The following PLEKHG3 variants were observed in gnomAD, a reference collection of about 807,000 sequenced individuals.
PLEKHG3 encodes the protein pleckstrin homology and RhoGEF domain containing G3.
PLEKHG3 carries 62 observed loss-of-function variants against 94.9 expected under a neutral mutation model. The ratio of observed to expected loss-of-function variants is 0.65; its 90% CI spans 0.53 to 0.81. PLEKHG3 has a LOEUF of 0.81. Ranked by LOEUF, PLEKHG3 falls within the 30% of genes least tolerant of loss-of-function variation. PLEKHG3 has a pLI of 0.00. For missense variants in PLEKHG3, 1,461 were observed against 1,619.3 expected (o/e 0.90, Z 1.68); for synonymous variants, 614 against 654.0 (o/e 0.94, Z 0.93).
intron 15 of PLEKHG3, 55 bp from the exon 16 acceptor site, chr14:64,740,981 C>A (rs536904698): frequency 5.6e-6 from 8 of 1,424,408 alleles, no homozygotes; most frequent in South Asian, 2.7e-5. Context: ...CCTTGTTCCC[C>A]GGATCCCATG....
chr14:64,720,420 T>C lies in PLEKHG3; in HGVS notation c.-39-7173T>C. Among the ~76,000 whole-genome samples the C allele has an allele frequency of 1.3e-5, 2 of 152,234 alleles. No individual in the cohort carries two copies. The highest frequency in any genetic ancestry group is 3.8e-4 in the East Asian group (2 of 5,200). ...GGAGGAACTGGCTTTGGTCTTGACCTCACCCACTGTTTACCTTTCTCTTGA... is the reference window on the plus strand; with the variant it reads ...GGAGGAACTGGCTTTGGTCTTGACCCCACCCACTGTTTACCTTTCTCTTGA... On this transcript the variant is annotated intron_variant, in intron 1 of 16. Transcript: ENST00000247226. This position sits in a 1 kb window ranked among gnomAD's most constrained non-coding sequence, Gnocchi z 4.1.
rs911715664 is a variant in PLEKHG3 at position 64,715,259 on chromosome 14, G to A, written c.-40+10555G>A. On this transcript the variant is annotated intron_variant, in intron 1 of 16. Transcript: ENST00000247226. This position sits in a 1 kb window ranked among gnomAD's most constrained non-coding sequence, Gnocchi z 4.4. ...GCATGAGAGCATTCCTATGAGGTAG[G>A]GTGAGAGATGGCCTTCTTGGCTTCG... 5.3e-5 allele frequency among the ~76,000 whole-genome samples: 8 copies of A among 152,136 alleles called. No individual in the cohort carries two copies. The highest frequency in any genetic ancestry group is 1.9e-4 in the African/African-American group (8 of 41,422).
Position 64,721,657 on chromosome 14 carries a change from C to T in PLEKHG3, c.-39-5936C>T, listed in dbSNP as rs1170824416. Among the ~76,000 whole-genome samples, 8 of 152,316 alleles carry T rather than the reference C, an allele frequency of 5.3e-5. No homozygotes were observed. The East Asian group carries it at 7.7e-4, about 15-fold the overall frequency. ...CTCACATGCACACAAAGTCACTCCC[C>T]GGGGAGCCTTCTCTCGCGCTTTATT... On this transcript the variant is annotated intron_variant, in intron 1 of 16. Coordinates refer to ENST00000247226, the MANE Select transcript of PLEKHG3 (RefSeq NM_001308147.2). The surrounding 1 kb of genome is among the most constrained non-coding windows in gnomAD (Gnocchi z 4.3).
chr14:64,734,650 AT>A (rs1479815416), intron 12 of PLEKHG3, among the ~76,000 whole-genome samples: 2 of 152,170 alleles, frequency 1.3e-5, no homozygotes, highest in Non-Finnish European at 2.9e-5. Flanking sequence ...TAAGAGTTGG[AT>A]TTTTTCAAAA....
chr14:64,727,108 G>A lies in PLEKHG3; in HGVS notation c.-39-485G>A, dbSNP rs2081366181. On this transcript the variant is annotated intron_variant, in intron 1 of 16. Coordinates refer to ENST00000247226, the MANE Select transcript of PLEKHG3 (RefSeq NM_001308147.2). This position sits in a 1 kb window ranked among gnomAD's most constrained non-coding sequence, Gnocchi z 6.0. ...ACGAACAGCAGGTGGCTTCATCTGG[G>A]AGGACACAGCCATGGGGTAGGCTGT... Among the ~76,000 whole-genome samples the A allele has an allele frequency of 6.6e-6, 1 of 152,080 alleles. No homozygotes were observed. Among genetic ancestry groups the A allele is most frequent in the South Asian group, 2.1e-4 (1 of 4,824 alleles).
Position 64,741,183 on chromosome 14 carries a change from C to T in PLEKHG3, c.1666C>T (p.Pro556Ser), listed in dbSNP as rs1226267175. 3 of 1,614,076 alleles carry T rather than the reference C, an allele frequency of 1.9e-6. No homozygotes were observed. In the East Asian group the frequency reaches 6.7e-5, roughly 36 times the overall value. The change falls in exon 16 of 17, where the codon CCC (proline) becomes TCC (serine). Residue 556 changes from proline to serine, a missense_variant. Physicochemically the swap from Pro to Ser is moderately conservative, Grantham distance 74. Around this residue, in one of 3 missense-constraint regions of PLEKHG3, gnomAD observed 1,201 missense variants for 1,295.5 expected, o/e 0.93. Coordinates refer to ENST00000247226, the MANE Select transcript of PLEKHG3 (RefSeq NM_001308147.2). ...DAHQGLLGMD[P>S]PGDMVDFVAA... ...CCACCAGGGCCTTCTGGGGATGGAC[C>T]CCCCAGGTGACATGGTGGACTTCGT...
chr14:64,741,869 G>A lies in PLEKHG3; in HGVS notation c.2352G>A (p.Trp784Ter), dbSNP rs1467016475. The A allele has an allele frequency of 6.2e-7, 1 of 1,612,994 alleles. No individual in the cohort carries two copies. The highest frequency in any genetic ancestry group is 1.7e-5 in the Admixed American group (1 of 59,962). ...KRQVGSRPTS[W>*]ALFELPGPSQ... The stretch of plus-strand genomic sequence containing the variant: ...AGGTGGGCTCCCGGCCGACTTCGTG[G>A]GCCCTGTTTGAGCTCCCAGGACCAA... The change falls in exon 16 of 17, where the codon TGG becomes TGA. Residue 784 changes from tryptophan (W) to a stop codon, truncating the protein, a stop_gained. Transcript: ENST00000247226. LOFTEE classifies it high-confidence loss of function.
chr14:64,734,884 C>G (rs1332805933), intron 12 of PLEKHG3, among the ~76,000 whole-genome samples: 2 of 151,948 alleles, frequency 1.3e-5, no homozygotes, highest in Non-Finnish European at 2.9e-5. Flanking sequence ...CCACGCCCAG[C>G]TAGTTTTTTT....
chr14:64,738,096 G>T lies in PLEKHG3; in HGVS notation c.1405-646G>T. On this transcript the variant is annotated intron_variant, in intron 14 of 16. Transcript: ENST00000247226. The surrounding 1 kb of genome is among the most constrained non-coding windows in gnomAD (Gnocchi z 4.8). ...GCCGGAGCCCCCAGGCTCAGAGGAGGAGGAGGAGGAGCAGGAGGAGAGCCT... is the reference window on the plus strand; with the variant it reads ...GCCGGAGCCCCCAGGCTCAGAGGAGTAGGAGGAGGAGCAGGAGGAGAGCCT... 7.7e-7 allele frequency: 1 copy of T among 1,304,788 alleles called. No homozygotes were observed. The highest frequency in any genetic ancestry group is 1.5e-5 in the African/African-American group (1 of 66,948). The allele number at this position is 1,304,788 out of a possible 1,614,324, so 80.8% of individuals were successfully genotyped here.
rs1034617491 is a variant in PLEKHG3 at position 64,720,908 on chromosome 14, C to A, written c.-39-6685C>A. Among the ~76,000 whole-genome samples, 1 of 152,194 alleles carries A rather than the reference C, an allele frequency of 6.6e-6. No individual in the cohort carries two copies. Among genetic ancestry groups the A allele is most frequent in the Admixed American group, 6.5e-5 (1 of 15,288 alleles). On this transcript the variant is annotated intron_variant, in intron 1 of 16. Coordinates refer to ENST00000247226, the MANE Select transcript of PLEKHG3 (RefSeq NM_001308147.2). This position sits in a 1 kb window ranked among gnomAD's most constrained non-coding sequence, Gnocchi z 4.1. Reference sequence around the variant, plus strand: ...GCCAGCAGTGTAGCATCTTCCAGTTCCCTTCTCTCTGTCCCTCTGCTTTTA... The same window carrying A: ...GCCAGCAGTGTAGCATCTTCCAGTTACCTTCTCTCTGTCCCTCTGCTTTTA...
At position 64,718,013 on chromosome 14, in the gene PLEKHG3, C is replaced by T. The variant is rs1470460501; in HGVS notation, c.-39-9580C>T. Among the ~76,000 whole-genome samples the T allele has an allele frequency of 2.0e-5, 3 of 152,158 alleles. No individual in the cohort carries two copies. Among genetic ancestry groups the T allele is most frequent in the South Asian group, 4.2e-4 (2 of 4,816 alleles). On this transcript the variant is annotated intron_variant, in intron 1 of 16. Coordinates refer to ENST00000247226, the MANE Select transcript of PLEKHG3 (RefSeq NM_001308147.2). This position sits in a 1 kb window ranked among gnomAD's most constrained non-coding sequence, Gnocchi z 5.0. ...GCCTCTTGTTGCCAGTTGCCCGGGGCGTGGGGGTGGTCTGGGTCCTCTCGG... is the reference window on the plus strand; with the variant it reads ...GCCTCTTGTTGCCAGTTGCCCGGGGTGTGGGGGTGGTCTGGGTCCTCTCGG...
Position 64,716,051 on chromosome 14 carries a change from C to T in PLEKHG3, c.-40+11347C>T, listed in dbSNP as rs1171689699. The T allele has an allele frequency of 1.8e-5, 8 of 456,278 alleles. No individual in the cohort carries two copies. Among genetic ancestry groups the T allele is most frequent in the Non-Finnish European group, 3.5e-5 (8 of 226,786 alleles). The allele number at this position is 456,278 out of a possible 1,614,324, so 28.3% of individuals were successfully genotyped here. A position where few individuals can be genotyped will look rare whatever the true frequency, so the allele number is the denominator to read the frequency against. The stretch of plus-strand genomic sequence containing the variant: ...ACAATGCGGCTGCCCGGCCCCTCGC[C>T]ACCCTCGTGGTGCCCGGATGGGAGC... On this transcript the variant is annotated intron_variant, in intron 1 of 16. Transcript: ENST00000247226. This position sits in a 1 kb window ranked among gnomAD's most constrained non-coding sequence, Gnocchi z 5.0.
rs1217488732 is a variant in PLEKHG3 at position 64,749,888 on chromosome 14, C to T, written c.*6185C>T. ...AAAAACCCCTGAGGAGCAGCTCAGG[C>T]CTGGCACTGGTCCCCTACAGAGGGC... On this transcript the variant is annotated 3_prime_UTR_variant, in exon 17 of 17. Transcript: ENST00000247226. The surrounding 1 kb of genome is among the most constrained non-coding windows in gnomAD (Gnocchi z 4.7). 3.2e-6 allele frequency: 5 copies of T among 1,559,806 alleles called. No homozygotes were observed. In the African/African-American group the frequency reaches 6.8e-5, roughly 21 times the overall value.
rs969133326 is a variant in PLEKHG3 at position 64,715,796 on chromosome 14, G to A, written c.-40+11092G>A. 1.4e-4 allele frequency: 47 copies of A among 338,974 alleles called. 1 individual carries two copies. Among genetic ancestry groups the A allele is most frequent in the Middle Eastern group, 2.2e-3 (2 of 926 alleles). The allele number at this position is 338,974 out of a possible 1,614,324, so 21.0% of individuals were successfully genotyped here. A position where few individuals can be genotyped will look rare whatever the true frequency, so the allele number is the denominator to read the frequency against. ...GCTGTGGCCTGGGTCCCTACCCAGC[G>A]GGGACCTGCAGAATTGTGTCGGGAA... On this transcript the variant is annotated intron_variant, in intron 1 of 16. Coordinates refer to ENST00000247226, the MANE Select transcript of PLEKHG3 (RefSeq NM_001308147.2). This position sits in a 1 kb window ranked among gnomAD's most constrained non-coding sequence, Gnocchi z 4.4.
intron 1 of PLEKHG3, among the ~76,000 whole-genome samples, chr14:64,719,222 T>C (rs943612868): frequency 1.3e-5 from 2 of 152,170 alleles, no homozygotes; most frequent in Non-Finnish European, 2.9e-5. Flanking sequence ...GTTCACCAAG[T>C]TTAACTTGTA....
At position 64,727,507 on chromosome 14, in the gene PLEKHG3, C is replaced by T; in HGVS notation, c.-39-86C>T. ...CACTAAATAATACCTTCCCACCCCA[C>T]CTGCCCCCACCCCTGGCAACCGTCC... On this transcript the variant is annotated intron_variant, in intron 1 of 16. Transcript: ENST00000247226. The surrounding 1 kb of genome is among the most constrained non-coding windows in gnomAD (Gnocchi z 6.0). 1 of 417,280 alleles carries T rather than the reference C, an allele frequency of 2.4e-6. No homozygotes were observed. The highest frequency in any genetic ancestry group is 4.6e-6 in the Non-Finnish European group (1 of 215,350). The allele number at this position is 417,280 out of a possible 1,614,324, so 25.8% of individuals were successfully genotyped here.
rs1594647528 is a variant in PLEKHG3 at position 64,704,505 on chromosome 14, G to A, written c.-239G>A. ...ACTTCCTGCCGGGCGCTGGCAAGCC[G>A]CGCGCTGCCTGGGGTCTCCGGGGGC... On this transcript the variant is annotated 5_prime_UTR_variant, in exon 1 of 17. Transcript: ENST00000247226. The surrounding 1 kb of genome is among the most constrained non-coding windows in gnomAD (Gnocchi z 5.6). 4 of 156,540 alleles carry A rather than the reference G, an allele frequency of 2.6e-5. No individual in the cohort carries two copies. The East Asian group carries it at 6.3e-4, about 25-fold the overall frequency. 9.7% of individuals were successfully genotyped at this position (156,540 alleles called of 1,614,324 possible).
At chr14:64,734,973 G>T (rs559204858) in intron 12 of PLEKHG3, among the ~76,000 whole-genome samples, 1 of 151,988 alleles carries the variant, frequency 6.6e-6, no homozygotes, top group African/African-American at 2.4e-5. Flanking sequence ...TGATCCACCC[G>T]CCTCGGCCTC....
chr14:64,727,801 A>G lies in PLEKHG3; in HGVS notation c.170A>G (p.His57Arg), dbSNP rs1410036019. Residue 57 changes from histidine (H) to arginine (R), a missense_variant, in exon 2 of 17, where the codon CAT becomes CGT. His to Arg is a conservative substitution (Grantham distance 29). Coordinates refer to ENST00000247226, the MANE Select transcript of PLEKHG3 (RefSeq NM_001308147.2). This position sits in a 1 kb window ranked among gnomAD's most constrained non-coding sequence, Gnocchi z 6.0. ...KNGAGSLRSR[H>R]LPNSNNNSSS... is the part of the protein sequence containing the mutation. ...GGGGCAGGCTCCCTGAGAAGCCGGC[A>G]TCTGCCCAACAGCAACAACAACTCC... is the stretch of plus-strand genomic sequence containing the variant. 3 of 1,610,950 alleles carry G rather than the reference A, an allele frequency of 1.9e-6. No homozygotes were observed. In the Admixed American group the frequency reaches 5.0e-5, roughly 27 times the overall value.
Sources: allele counts gnomAD v4.1 joint callset (sites outside exome capture counted in the v4.1 genomes callset), GRCh38; gene constraint gnomAD v4.1.1; regional missense constraint gnomAD v4.1.1; non-coding constraint Gnocchi (gnomAD v3.1); transcripts MANE v1.5; gene names NCBI Gene and HGNC (gene_info 2026-07-23, HGNC 2026-07-21).